Variants in THTPA observed in about 807,000 individuals in gnomAD.
THTPA encodes the protein thiamine-triphosphatase.
A neutral mutation model predicts 16.5 loss-of-function variants in THTPA; 16 were observed. That is an observed-to-expected ratio of 0.97 (90% CI 0.66 to 1.47). The LOEUF (loss-of-function observed/expected upper bound fraction) is 1.47, where lower values mean the gene tolerates loss of function less well. Ranked by LOEUF, THTPA falls within the 40% of genes most tolerant of loss-of-function variation. The pLI is 0.00. For synonymous variants in THTPA, 110 were observed against 115.5 expected, an observed-to-expected ratio of 0.95 and a Z score of 0.30; for missense variants, 281 against 280.9, an observed-to-expected ratio of 1.00 and a Z score of 0.00.
the THTPA span, among the ~76,000 whole-genome samples, chr14:23,518,287 G>A: frequency 0.17 from 25,865 of 152,178 alleles, 3,224 homozygotes; most frequent in African/African-American, 0.35. The surrounding 1 kb of genome is among the most constrained non-coding windows in gnomAD (Gnocchi z 4.5). Flanking sequence ...AGAATCAGTG[G>A]TCTGGTCTAT....
the THTPA span, among the ~76,000 whole-genome samples, chr14:23,536,564 T>C: frequency 2.0e-5 from 3 of 152,210 alleles, no homozygotes; most frequent in East Asian, 5.8e-4. Context: ...ATATTACTAA[T>C]AGTTATGTAG....
At chr14:23,521,867 G>T in the THTPA span, 1 of 1,499,336 alleles carries the variant, frequency 6.7e-7, no homozygotes, top group African/African-American at 1.4e-5. Context: ...CGGGGCCAGG[G>T]GGTGGGGTGA....
intron 1 of THTPA, 121 bp downstream of exon 1, chr14:23,557,425 A>G (rs12890629): frequency 0.15 from 167,469 of 1,119,196 alleles, 22,260 homozygotes; most frequent in African/African-American, 0.61. Flanking sequence ...TAATAGAGAC[A>G]AGGTTTTGCC....
upstream of THTPA, among the ~76,000 whole-genome samples, chr14:23,552,461 T>C (rs974186830): frequency 2.0e-5 from 3 of 151,636 alleles, no homozygotes; most frequent in Non-Finnish European, 4.4e-5. Flanking sequence ...CCCAGCTAAT[T>C]TTTGTATTTT....
chr14:23,536,090 G>C, the THTPA span, among the ~76,000 whole-genome samples: 1 of 152,018 alleles, frequency 6.6e-6, no homozygotes, highest in Non-Finnish European at 1.5e-5. Context: ...CACCATCCTG[G>C]GGCCCGCTGA....
upstream of THTPA, among the ~76,000 whole-genome samples, chr14:23,554,886 T>A (rs537799753): frequency 6.6e-6 from 1 of 152,148 alleles, no homozygotes; most frequent in Non-Finnish European, 1.5e-5. Context: ...ATAGTTAGAG[T>A]CTCCAGATAA....
the THTPA span, among the ~76,000 whole-genome samples, chr14:23,536,335 C>T: frequency 2.0e-5 from 3 of 152,178 alleles, no homozygotes; most frequent in Non-Finnish European, 2.9e-5. Flanking sequence ...ATTTTCCATA[C>T]CCTGACGAGG....
At chr14:23,522,854 G>A in the THTPA span, 17 of 1,526,322 alleles carry the variant, frequency 1.1e-5, no homozygotes, top group African/African-American at 2.7e-5. Context: ...CTGAGGTAAG[G>A]GGCGGCCTGG....
chr14:23,554,605 C>T (rs1882208866), upstream of THTPA, among the ~76,000 whole-genome samples: 1 of 145,644 alleles, frequency 6.9e-6, no homozygotes, highest in African/African-American at 2.6e-5. Flanking sequence ...CCAGGCTGGT[C>T]TCAAACTCCT....
At chr14:23,552,386 G>A (rs1025029567), upstream of THTPA, among the ~76,000 whole-genome samples, 3 of 147,434 alleles carry the variant, frequency 2.0e-5, no homozygotes, top group African/African-American at 5.0e-5. Context: ...CTCCACCACC[G>A]GGTTCAAGCG....
chr14:23,522,178 C>G, the THTPA span: 1 of 1,494,764 alleles, frequency 6.7e-7, no homozygotes, highest in Non-Finnish European at 8.9e-7. Flanking sequence ...TCAGCAGCAC[C>G]TCACATGCCA....
At chr14:23,522,461 G>T in the THTPA span, 3 of 1,536,132 alleles carry the variant, frequency 2.0e-6, no homozygotes, top group Non-Finnish European at 2.6e-6. Context: ...GGGCTCAGGG[G>T]GCTGGGGTGG....
Position 23,556,839 on chromosome 14 carries a change from AC to A in THTPA, c.85del (p.Leu29TrpfsTer17). 17 of 1,612,860 alleles carry A rather than the reference AC, an allele frequency of 1.1e-5. No homozygotes were observed. The highest frequency in any genetic ancestry group is 1.4e-5 in the Non-Finnish European group (17 of 1,179,452). On this transcript the variant is annotated frameshift_variant, in exon 1 of 2. Transcript: ENST00000288014. LOFTEE classifies it high-confidence loss of function. The stretch of plus-strand genomic sequence containing the variant: ...GGAGCGGCTGCAGGAGTTGGGGGGC[AC>A]CCTGGAGTACCGGGTCACCTTCCGA... ...TEERLQELGG[T>X]LEYRVTFRDT...
At chr14:23,547,054 T>C in the THTPA span, among the ~76,000 whole-genome samples, 2 of 152,248 alleles carry the variant, frequency 1.3e-5, no homozygotes, top group Non-Finnish European at 2.9e-5. Context: ...ATAGCTTCTG[T>C]GTATTTAGAC....
At chr14:23,525,982 C>A in the THTPA span, 1 of 1,518,356 alleles carries the variant, frequency 6.6e-7, no homozygotes, top group South Asian at 1.2e-5. The surrounding 1 kb of genome is among the most constrained non-coding windows in gnomAD (Gnocchi z 5.9). Flanking sequence ...ACAGGAAAGG[C>A]AATCCAGATA....
the THTPA span, chr14:23,524,139 C>T: frequency 3.9e-6 from 6 of 1,535,992 alleles, no homozygotes; most frequent in South Asian, 1.2e-5. This position sits in a 1 kb window ranked among gnomAD's most constrained non-coding sequence, Gnocchi z 5.6. Flanking sequence ...GCAGGGGTGG[C>T]TGTGGCAGGC....
chr14:23,556,998 GA>G lies in THTPA; in HGVS notation c.243del (p.Glu81AspfsTer38). On this transcript the variant is annotated frameshift_variant, in exon 1 of 2. Coordinates refer to ENST00000288014, the MANE Select transcript of THTPA (RefSeq NM_024328.6). LOFTEE classifies it high-confidence loss of function. ...GVLGPHTEYK[E>X]LTAEPTIVAQ... ...CTTAGGACCCCACACGGAGTATAAG[GA>G]ACTCACAGCGGAACCTACAATTGTG... 6.2e-7 allele frequency: 1 copy of G among 1,614,210 alleles called. No individual in the cohort carries two copies.
the THTPA span, among the ~76,000 whole-genome samples, chr14:23,546,127 A>G: frequency 1.3e-5 from 2 of 152,202 alleles, no homozygotes; most frequent in African/African-American, 4.8e-5. The surrounding 1 kb of genome is among the most constrained non-coding windows in gnomAD (Gnocchi z 4.7). Context: ...TTGCACATCA[A>G]CGTGCTCCAC....
At chr14:23,533,115 GA>G in the THTPA span, 1 of 1,485,492 alleles carries the variant, frequency 6.7e-7, no homozygotes, top group Non-Finnish European at 8.9e-7. This position sits in a 1 kb window ranked among gnomAD's most constrained non-coding sequence, Gnocchi z 4.8. Flanking sequence ...AGTGGCCCAA[GA>G]AAGAAATGGG....
Sources: allele counts gnomAD v4.1 joint callset (sites outside exome capture counted in the v4.1 genomes callset), GRCh38; gene constraint gnomAD v4.1.1; non-coding constraint Gnocchi (gnomAD v3.1); transcripts MANE v1.5; gene names NCBI Gene and HGNC (gene_info 2026-07-23, HGNC 2026-07-21).